ZNF507: variants seen among roughly 807,000 people sequenced by gnomAD.
ZNF507 encodes the protein zinc finger protein 507.
A neutral mutation model predicts 80.0 loss-of-function variants in ZNF507; 29 were observed. That is an observed-to-expected ratio of 0.36 (90% CI 0.27 to 0.49). The LOEUF (loss-of-function observed/expected upper bound fraction) is 0.49, where lower values mean the gene tolerates loss of function less well. ZNF507 is among the 20% of genes least tolerant of loss of function. The pLI, the probability that ZNF507 is intolerant of heterozygous loss-of-function variation, is 0.98. For synonymous variants in ZNF507, 462 were observed against 422.5 expected (o/e 1.09, Z -1.15); for missense variants, 1,081 against 1,152.2 (o/e 0.94, Z 0.90).
At position 32,383,009 on chromosome 19, in the gene ZNF507, A is replaced by G. The variant is rs750935185; in HGVS notation, c.2788A>G (p.Met930Val). Residue 930 changes from methionine (M) to valine (V), a missense_variant, in exon 7 of 7, where the codon ATG becomes GTG. Met to Val is a conservative substitution (Grantham distance 21). Transcript: ENST00000355898. ...CAGCAAAGAAAACCTCTTGGATCAT[A>G]TGAAAGAGCACGAGGGTGAAATTGT... ...STSKENLLDH[M>V]KEHEGEIVNI... 1 of 1,614,186 alleles carries G rather than the reference A, an allele frequency of 6.2e-7. No homozygotes were observed. Among genetic ancestry groups the G allele is most frequent in the Non-Finnish European group, 8.5e-7 (1 of 1,180,020 alleles).
chr19:32,375,006 G>C (rs1405626440), intron 5 of ZNF507, among the ~76,000 whole-genome samples: 1 of 152,018 alleles, frequency 6.6e-6, no homozygotes, highest in Non-Finnish European at 1.5e-5. Context: ...AGTTTTATTA[G>C]GAATGTATAT....
chr19:32,371,207 G>A (rs1028313015), intron 5 of ZNF507, among the ~76,000 whole-genome samples: 5 of 152,118 alleles, frequency 3.3e-5, no homozygotes, highest in African/African-American at 1.2e-4. Flanking sequence ...GGGCGCGGTG[G>A]CTCACGCTTG....
intron 4 of ZNF507, 53 bp downstream of exon 4, chr19:32,356,786 G>T: frequency 1.4e-6 from 2 of 1,392,676 alleles, no homozygotes; most frequent in Admixed American, 3.4e-5. Flanking sequence ...TGACATAAAA[G>T]TGCCCTTAGT....
intron 5 of ZNF507, among the ~76,000 whole-genome samples, chr19:32,374,804 T>G (rs966291729): frequency 7.9e-5 from 12 of 152,140 alleles, no homozygotes; most frequent in Admixed American, 7.9e-4. Context: ...TTCTTTCTCT[T>G]GTCTGATTGT....
intron 4 of ZNF507, chr19:32,358,996 C>T (rs1213951908): frequency 2.0e-5 from 3 of 152,174 alleles, no homozygotes; most frequent in Non-Finnish European, 4.4e-5. Flanking sequence ...TGAAGTAGCA[C>T]AGGCTCTCAT....
In ZNF507 at chr19:32,355,091, C is replaced by A; in HGVS notation, c.2127+134C>A. The A allele has an allele frequency of 4.8e-6, 4 of 834,856 alleles. No homozygotes were observed. The South Asian group carries it at 5.8e-5, about 12-fold the overall frequency. The allele number at this position is 834,856 out of a possible 1,614,324, so 51.7% of individuals were successfully genotyped here. A position where few individuals can be genotyped will look rare whatever the true frequency, so the allele number is the denominator to read the frequency against. ...TCCCAGAAAAGTTTGATAAGTTGCC[C>A]AAGGGGATCCCAACTTACCAGTATT... On this transcript the variant is annotated intron_variant, in intron 3 of 6. Coordinates refer to ENST00000355898, the MANE Select transcript of ZNF507 (RefSeq NM_001136156.2).
intron 2 of ZNF507, among the ~76,000 whole-genome samples, chr19:32,351,468 T>TGTGTGTGTGGC (rs1967163826): frequency 8.9e-6 from 1 of 112,248 alleles, no homozygotes. Flanking sequence ...TGTGTGTGTG[T>TGTGTGTGTGGC]GTGGCGTGGG....
At position 32,365,861 on chromosome 19, in the gene ZNF507, G is replaced by A. The variant is rs139476987; in HGVS notation, c.2360+5243G>A. On this transcript the variant is annotated intron_variant, in intron 5 of 6. Transcript: ENST00000355898. ...GGCTCAAGTACTCCACACACTGCCC[G>A]GGACATAGTAGGTGCTCGGTAAATG... is the stretch of plus-strand genomic sequence containing the variant. Among the ~76,000 whole-genome samples the A allele has an allele frequency of 3.0e-4, 46 of 152,258 alleles. No homozygotes were observed. In the East Asian group the frequency reaches 3.5e-3, roughly 12 times the overall value.
At chr19:32,352,583 C>T (rs371728375) in intron 2 of ZNF507, among the ~76,000 whole-genome samples, 58 of 151,720 alleles carry the variant, frequency 3.8e-4, no homozygotes, top group Admixed American at 3.0e-3. Flanking sequence ...TCATCATTTC[C>T]GAAGAAATAA....
intron 3 of ZNF507, among the ~76,000 whole-genome samples, chr19:32,356,268 A>AT (rs996765091): frequency 1.1e-4 from 17 of 151,614 alleles, no homozygotes; most frequent in South Asian, 6.3e-4. Flanking sequence ...TACTGATTGG[A>AT]TTTTTTTTTG....
rs1967217111 is a variant in ZNF507 at position 32,354,254 on chromosome 19, A to G, written c.1424A>G (p.Asp475Gly). 6.2e-7 allele frequency: 1 copy of G among 1,614,060 alleles called. No individual in the cohort carries two copies. The highest frequency in any genetic ancestry group is 1.1e-5 in the South Asian group (1 of 91,088). Residue 475 changes from aspartate to glycine, a missense_variant, in exon 3 of 7, where the codon GAT becomes GGT. Coordinates refer to ENST00000355898, the MANE Select transcript of ZNF507 (RefSeq NM_001136156.2). ...TTAATGAATAAAGGCCTGGCTACTG[A>G]TGAGAATGCCCCACCAGGCCGGAGA... ...DELMNKGLAT[D>G]ENAPPGRRRT...
At chr19:32,360,924 A>C (rs1967314259) in intron 5 of ZNF507, among the ~76,000 whole-genome samples, 1 of 152,192 alleles carries the variant, frequency 6.6e-6, no homozygotes, top group Non-Finnish European at 1.5e-5. Flanking sequence ...GGCGTGAGCC[A>C]CTGCACCTGG....
intron 4 of ZNF507, among the ~76,000 whole-genome samples, chr19:32,360,032 T>C (rs1967301258): frequency 6.6e-6 from 1 of 152,194 alleles, no homozygotes; most frequent in Non-Finnish European, 1.5e-5. Context: ...CTAGCCAGGC[T>C]TTTTATATTG....
chr19:32,370,526 A>G (rs1321006813), intron 5 of ZNF507, among the ~76,000 whole-genome samples: 4 of 152,080 alleles, frequency 2.6e-5, no homozygotes, highest in Non-Finnish European at 4.4e-5. Flanking sequence ...TGCAGTTTTT[A>G]TGTCTTTGGA....
At chr19:32,346,627 A>T (rs755984957) in intron 1 of ZNF507, among the ~76,000 whole-genome samples, 15 of 152,232 alleles carry the variant, frequency 9.9e-5, no homozygotes, top group Admixed American at 2.6e-4. Flanking sequence ...GGAGCCCTAA[A>T]GATGTTTTTT....
At chr19:32,380,249 G>C (rs1409304297) in intron 5 of ZNF507, among the ~76,000 whole-genome samples, 1 of 152,120 alleles carries the variant, frequency 6.6e-6, no homozygotes, top group East Asian at 1.9e-4. Context: ...CTAGCACTTA[G>C]GGAGTATGAG....
intron 5 of ZNF507, among the ~76,000 whole-genome samples, chr19:32,367,908 G>A (rs1967420233): frequency 6.6e-6 from 1 of 152,142 alleles, no homozygotes; most frequent in African/African-American, 2.4e-5. Context: ...GATTGTTTGT[G>A]GGCCAGACCC....
chr19:32,369,028 C>T (rs925231359), intron 5 of ZNF507, among the ~76,000 whole-genome samples: 1 of 152,156 alleles, frequency 6.6e-6, no homozygotes, highest in Admixed American at 6.5e-5. Context: ...GGTTCTGAGA[C>T]CGAAGTAACT....
intron 2 of ZNF507, among the ~76,000 whole-genome samples, chr19:32,352,021 C>G (rs1289032261): frequency 1.3e-5 from 2 of 150,642 alleles, no homozygotes; most frequent in African/African-American, 4.9e-5. Context: ...AACTGAAACA[C>G]AACTGGGATA....
Sources: gnomAD v4.1 joint callset for allele counts (sites outside exome capture counted in the v4.1 genomes callset) on GRCh38, gnomAD v4.1.1 for gene constraint, MANE v1.5 for transcripts, NCBI Gene and HGNC (gene_info 2026-07-23, HGNC 2026-07-21) for gene names.